The following OCA2 variants were observed in gnomAD, a reference collection of about 807,000 sequenced individuals.
OCA2 encodes the protein OCA2 melanosomal transmembrane protein.
A neutral mutation model predicts 100.2 loss-of-function variants in OCA2; 77 were observed. The observed-to-expected ratio is 0.77, with a 90% confidence interval of 0.64 to 0.93. The LOEUF (loss-of-function observed/expected upper bound fraction) is 0.93. Among genes scored for constraint, OCA2 ranks in the 40% least tolerant of loss-of-function variants. The pLI, the probability that OCA2 is intolerant of heterozygous loss-of-function variation, is 0.00. For missense variants in OCA2, 1,062 were observed against 1,089.1 expected (o/e 0.98, Z 0.35); for synonymous variants, 432 against 439.2 (o/e 0.98, Z 0.21).
intron 1 of OCA2, among the ~76,000 whole-genome samples, chr15:28,092,082 C>G (rs1327837464): frequency 6.6e-6 from 1 of 152,172 alleles, no homozygotes; most frequent in Non-Finnish European, 1.5e-5. Flanking sequence ...CATGAATAAC[C>G]TTTGGAAACA....
intron 14 of OCA2, 149 bp downstream of exon 14, chr15:27,983,196 C>T: frequency 2.2e-6 from 2 of 906,068 alleles, no homozygotes; most frequent in South Asian, 1.4e-5. Context: ...AGTCACCTAA[C>T]ATCCCAGTCT....
At chr15:28,055,193 G>A (rs55802438) in intron 2 of OCA2, among the ~76,000 whole-genome samples, 14,023 of 152,242 alleles carry the variant, frequency 0.092, 826 homozygotes, top group African/African-American at 0.16. Flanking sequence ...TCATACACCT[G>A]TATCTGGGAC....
At chr15:27,859,737 A>C (rs1277523300) in intron 21 of OCA2, among the ~76,000 whole-genome samples, 1 of 152,212 alleles carries the variant, frequency 6.6e-6, no homozygotes, top group Non-Finnish European at 1.5e-5. Context: ...CTACAGATCA[A>C]TGTTCCTGAT....
rs1387203745 is a variant in OCA2 at position 28,018,436 on chromosome 15, C to G, written c.768G>C (p.Gln256His). ...GCCACCTGGAGCCCAAAGCGTCAGC[C>G]TGGGTCAGCTCCACCACGATGTGCT... is the stretch of plus-strand genomic sequence containing the variant. ...REEHIVVELTQADALGSRWRR... is the reference protein window; with the variant it reads ...REEHIVVELTHADALGSRWRR... The change falls in exon 7 of 24, where the codon CAG (glutamine) becomes CAC (histidine). Residue 256 changes from glutamine to histidine, a missense_variant. By Grantham distance (24) the Gln-to-His change is conservative. Transcript: ENST00000354638. The G allele has an allele frequency of 9.3e-6, 15 of 1,614,162 alleles. No homozygotes were observed. In the South Asian group the frequency reaches 1.5e-4, roughly 17 times the overall value.
At chr15:27,963,470 G>A (rs1397337745) in intron 15 of OCA2, among the ~76,000 whole-genome samples, 1 of 152,020 alleles carries the variant, frequency 6.6e-6, no homozygotes, top group Non-Finnish European at 1.5e-5. Flanking sequence ...TTAGGTAACT[G>A]CAAAAACTTT....
chr15:27,911,279 G>A (rs2038385684), intron 19 of OCA2, among the ~76,000 whole-genome samples: 1 of 152,084 alleles, frequency 6.6e-6, no homozygotes, highest in Non-Finnish European at 1.5e-5. Context: ...AATTAGCCAG[G>A]TGTGGTGGTA....
At chr15:27,835,731 T>C (rs1172880008) in intron 23 of OCA2, among the ~76,000 whole-genome samples, 1 of 152,178 alleles carries the variant, frequency 6.6e-6, no homozygotes, top group African/African-American at 2.4e-5. Flanking sequence ...TGGCCTCTCA[T>C]CATCACCCCC....
chr15:27,989,615 G>C lies in OCA2; in HGVS notation c.1168C>G (p.Leu390Val). 2 of 1,614,112 alleles carry C rather than the reference G, an allele frequency of 1.2e-6. No homozygotes were observed. Among genetic ancestry groups the C allele is most frequent in the South Asian group, 2.2e-5 (2 of 91,078 alleles). ...VEWIDFETLA[L>V]LFGMMILVAI... Reference sequence around the variant, plus strand: ...GCTGTAATTACCATGCCAAACAGCAGGGCCAGCGTCTCAAAATCAATCCAC... The same window carrying C: ...GCTGTAATTACCATGCCAAACAGCACGGCCAGCGTCTCAAAATCAATCCAC... The change falls in exon 11 of 24, where the codon CTG becomes GTG. Residue 390 changes from leucine (L) to valine (V), a missense_variant. Coordinates refer to ENST00000354638, the MANE Select transcript of OCA2 (RefSeq NM_000275.3).
At chr15:28,032,451 A>C (rs2042932763) in intron 2 of OCA2, among the ~76,000 whole-genome samples, 1 of 152,184 alleles carries the variant, frequency 6.6e-6, no homozygotes, top group African/African-American at 2.4e-5. Flanking sequence ...CAGGAGATTC[A>C]GGCCACCTTT....
chr15:28,032,792 C>CAA lies in OCA2; in HGVS notation c.228-631_228-630dup, dbSNP rs34369918. 1.4e-3 allele frequency among the ~76,000 whole-genome samples: 146 copies of CAA among 107,484 alleles called. 1 individual carries two copies. Among genetic ancestry groups the CAA allele is most frequent in the Non-Finnish European group, 2.3e-3 (121 of 52,262 alleles). 70.5% of individuals were successfully genotyped at this position (107,484 alleles called of 152,430 possible). A position where few individuals can be genotyped will look rare whatever the true frequency, so the allele number is the denominator to read the frequency against. On this transcript the variant is annotated intron_variant, in intron 2 of 23. Coordinates refer to ENST00000354638, the MANE Select transcript of OCA2 (RefSeq NM_000275.3). ...TGGGTGACAGAGCGAGACTCTGTCT[C>CAA]AAAAAAAAAAAAAAAAACAAAACAA...
the OCA2 span, among the ~76,000 whole-genome samples, chr15:27,736,608 A>ATTGCTTCCAATTGCTAATGGGATC: frequency 7.5e-4 from 114 of 152,248 alleles, no homozygotes; most frequent in Admixed American, 2.0e-4. Flanking sequence ...TTATCTTCCA[A>ATTGCTTCCAATTGCTAATGGGATC]TTAGCAAATC....
At chr15:27,884,880 G>C (rs2037162593) in intron 19 of OCA2, among the ~76,000 whole-genome samples, 1 of 152,154 alleles carries the variant, frequency 6.6e-6, no homozygotes, top group Non-Finnish European at 1.5e-5. Context: ...AAGGCAAGAA[G>C]AATGAGTTAT....
At chr15:27,749,627 G>C in the OCA2 span, among the ~76,000 whole-genome samples, 1 of 151,292 alleles carries the variant, frequency 6.6e-6, no homozygotes, top group Non-Finnish European at 1.5e-5. Context: ...TAACTAATAA[G>C]TGAACTCAGC....
At chr15:28,005,680 G>A (rs2042071107) in intron 9 of OCA2, among the ~76,000 whole-genome samples, 1 of 152,104 alleles carries the variant, frequency 6.6e-6, no homozygotes. Context: ...CATTTGTAAA[G>A]ACCCACTGAG....
chr15:28,075,198 C>G (rs1010318087), intron 2 of OCA2, among the ~76,000 whole-genome samples: 1 of 152,044 alleles, frequency 6.6e-6, no homozygotes, highest in African/African-American at 2.4e-5. Context: ...AATTTCTGCT[C>G]TCCAAAAGAA....
intron 19 of OCA2, among the ~76,000 whole-genome samples, chr15:27,887,267 G>C (rs1045466613): frequency 6.6e-6 from 1 of 152,086 alleles, no homozygotes; most frequent in African/African-American, 2.4e-5. Flanking sequence ...CAGGAGCCCA[G>C]GAAAATGGGA....
intron 23 of OCA2, among the ~76,000 whole-genome samples, chr15:27,770,497 T>C (rs1329267290): frequency 7.0e-6 from 1 of 142,514 alleles, no homozygotes; most frequent in African/African-American, 2.6e-5. Flanking sequence ...ACCTCCCGGC[T>C]CCAGGACCCT....
At chr15:27,884,642 A>T (rs929661425) in intron 19 of OCA2, among the ~76,000 whole-genome samples, 3 of 152,208 alleles carry the variant, frequency 2.0e-5, no homozygotes, top group Non-Finnish European at 2.9e-5. Context: ...ATTTAAAATC[A>T]TCTGTAATTT....
intron 9 of OCA2, among the ~76,000 whole-genome samples, chr15:28,007,688 C>A (rs2042128557): frequency 6.6e-6 from 1 of 151,686 alleles, no homozygotes; most frequent in Non-Finnish European, 1.5e-5. Flanking sequence ...CGAGATTGCA[C>A]TATTGCACTC....
Sources: gnomAD v4.1 joint callset for allele counts (sites outside exome capture counted in the v4.1 genomes callset) on GRCh38, gnomAD v4.1.1 for gene constraint, MANE v1.5 for transcripts, NCBI Gene and HGNC (gene_info 2026-07-23, HGNC 2026-07-21) for gene names.